Variants in ZCWPW2 observed in about 807,000 individuals in gnomAD.
ZCWPW2 encodes zinc finger CW-type PWWP domain protein 2.
In ZCWPW2, 45 loss-of-function variants were observed where a neutral mutation model predicts 46.6. The ratio of observed to expected loss-of-function variants is 0.96; its 90% CI spans 0.76 to 1.24. The LOEUF is 1.24. Ranked by LOEUF, ZCWPW2 falls within the 50% of genes most tolerant of loss-of-function variation. ZCWPW2 has a pLI of 0.00. For synonymous variants in ZCWPW2, 152 were observed against 137.1 expected, an observed-to-expected ratio of 1.11 and a Z score of -0.76; for missense variants, 429 against 403.9, an observed-to-expected ratio of 1.06 and a Z score of -0.53.
rs113156854 is a variant in ZCWPW2 at position 28,480,409 on chromosome 3, G to GT, written c.610+1488dup. ...TGTGTCCTTTGCCCACTTTTTAATG[G>GT]TTTTTTTTTTCTTGTGAACTTGTTT... is the stretch of plus-strand genomic sequence containing the variant. On this transcript the variant is annotated intron_variant, in intron 5 of 9. Transcript: ENST00000383768. Among the ~76,000 whole-genome samples the GT allele has an allele frequency of 8.7e-3, 1,298 of 148,640 alleles. 20 individuals are homozygous for GT. Among genetic ancestry groups the GT allele is most frequent in the African/African-American group, 0.028 (1,136 of 40,662 alleles).
At chr3:28,491,535 A>C (rs1332830092) in intron 5 of ZCWPW2, among the ~76,000 whole-genome samples, 1 of 152,056 alleles carries the variant, frequency 6.6e-6, no homozygotes, top group Non-Finnish European at 1.5e-5. Context: ...TCTTTCTCTG[A>C]GGCACTGTTG....
intron 3 of ZCWPW2, among the ~76,000 whole-genome samples, chr3:28,414,135 T>C (rs1224420827): frequency 6.6e-6 from 1 of 152,020 alleles, no homozygotes. Context: ...GATTTTGATA[T>C]TACTTATGGT....
chr3:28,420,684 A>C (rs1696736948), intron 3 of ZCWPW2, among the ~76,000 whole-genome samples: 1 of 151,568 alleles, frequency 6.6e-6, no homozygotes, highest in Non-Finnish European at 1.5e-5. Flanking sequence ...CTGCTGTGAT[A>C]AGCTTTCACT....
chr3:28,491,550 C>T (rs757776489), intron 5 of ZCWPW2, among the ~76,000 whole-genome samples: 10 of 151,970 alleles, frequency 6.6e-5, no homozygotes, highest in Non-Finnish European at 1.2e-4. Context: ...CTGTTGGCAG[C>T]TCAGTGGTCC....
chr3:28,381,025 GTATATATATATATATATATTTGGTGTA>G (rs1695073110), intron 1 of ZCWPW2, among the ~76,000 whole-genome samples: 1 of 7,014 alleles, frequency 1.4e-4, no homozygotes, highest in African/African-American at 8.5e-4. Context: ...TATATATTTG[GTATATATATATATATATATTTGGTGTA>G]TATATATATA....
intron 1 of ZCWPW2, among the ~76,000 whole-genome samples, chr3:28,359,753 C>T (rs991810806): frequency 2.0e-5 from 3 of 152,034 alleles, no homozygotes; most frequent in African/African-American, 4.8e-5. Flanking sequence ...TTATGAGATA[C>T]GTTCATGAAA....
At chr3:28,515,842 A>G (rs1009875125) in intron 8 of ZCWPW2, among the ~76,000 whole-genome samples, 3 of 152,070 alleles carry the variant, frequency 2.0e-5, no homozygotes, top group Admixed American at 6.6e-5. Flanking sequence ...ATATTAATGA[A>G]TCATTTTTGT....
At chr3:28,411,485 A>G (rs554806659) in intron 2 of ZCWPW2, among the ~76,000 whole-genome samples, 21 of 152,126 alleles carry the variant, frequency 1.4e-4, no homozygotes, top group Admixed American at 3.9e-4. Context: ...AAAATCTACT[A>G]TCATGGCTTC....
At chr3:28,454,291 T>A (rs1376063822) in intron 4 of ZCWPW2, among the ~76,000 whole-genome samples, 2 of 152,196 alleles carry the variant, frequency 1.3e-5, no homozygotes, top group Non-Finnish European at 2.9e-5. Flanking sequence ...GAAGCAGGAC[T>A]TATGTAGGGA....
chr3:28,367,041 CTTT>C (rs1220692716), intron 1 of ZCWPW2, among the ~76,000 whole-genome samples: 2 of 152,008 alleles, frequency 1.3e-5, no homozygotes, highest in Admixed American at 6.6e-5. Flanking sequence ...CTCTTTTCTT[CTTT>C]ATTAGTCTCG....
chr3:28,506,225 A>G (rs1214139912), intron 6 of ZCWPW2, among the ~76,000 whole-genome samples: 2 of 151,636 alleles, frequency 1.3e-5, no homozygotes, highest in African/African-American at 4.8e-5. Flanking sequence ...AAAATCAGTG[A>G]CACCTAGTGT....
rs116006597 is a variant in ZCWPW2 at position 28,451,138 on chromosome 3, A to G, written c.492+15869A>G. Among the ~76,000 whole-genome samples, 557 of 152,294 alleles carry G rather than the reference A, an allele frequency of 3.7e-3. 1 individual carries two copies. Among genetic ancestry groups the G allele is most frequent in the African/African-American group, 0.013 (533 of 41,572 alleles). ...CCTGGATCCTGAGGGACTGCATTCA[A>G]CATGTGCTGTGATGACTCCAATAAC... On this transcript the variant is annotated intron_variant, in intron 4 of 9. Transcript: ENST00000383768.
intron 3 of ZCWPW2, among the ~76,000 whole-genome samples, chr3:28,421,927 T>C (rs1201081502): frequency 6.6e-6 from 1 of 151,790 alleles, no homozygotes; most frequent in Non-Finnish European, 1.5e-5. Flanking sequence ...ATTTTATTGT[T>C]TTCTCAAAGT....
At chr3:28,453,032 A>G (rs546684963) in intron 4 of ZCWPW2, among the ~76,000 whole-genome samples, 2 of 152,318 alleles carry the variant, frequency 1.3e-5, no homozygotes, top group South Asian at 2.1e-4. Context: ...TAGCGTAAAC[A>G]GAAGTGTCAA....
intron 1 of ZCWPW2, among the ~76,000 whole-genome samples, chr3:28,354,421 G>A (rs1310434788): frequency 7.1e-6 from 1 of 141,124 alleles, no homozygotes; most frequent in Admixed American, 7.6e-5. Context: ...TTCTACCAGA[G>A]GTACAAAGAG....
chr3:28,386,985 C>A (rs1434412764), intron 1 of ZCWPW2, among the ~76,000 whole-genome samples: 1 of 152,208 alleles, frequency 6.6e-6, no homozygotes, highest in East Asian at 1.9e-4. Flanking sequence ...GCAGTAAAAA[C>A]TTCCTGTTCC....
intron 1 of ZCWPW2, among the ~76,000 whole-genome samples, chr3:28,382,022 T>C (rs949355724): frequency 6.6e-6 from 1 of 151,448 alleles, no homozygotes; most frequent in African/African-American, 2.4e-5. Flanking sequence ...ATTAGCTGGG[T>C]GTGTTGGTGC....
chr3:28,355,483 G>C (rs1241906074), intron 1 of ZCWPW2, among the ~76,000 whole-genome samples: 1 of 152,238 alleles, frequency 6.6e-6, no homozygotes, highest in Admixed American at 6.5e-5. Flanking sequence ...TTTCTTCACA[G>C]AATTGGAAAA....
intron 4 of ZCWPW2, among the ~76,000 whole-genome samples, chr3:28,463,028 CAT>C (rs762790735): frequency 1.2e-4 from 18 of 152,300 alleles, no homozygotes; most frequent in African/African-American, 4.3e-4. Context: ...TTTTCTCAGA[CAT>C]AGAGCATTAT....
Sources: gnomAD v4.1 joint callset for allele counts (sites outside exome capture counted in the v4.1 genomes callset) on GRCh38, gnomAD v4.1.1 for gene constraint, MANE v1.5 for transcripts, NCBI Gene and HGNC (gene_info 2026-07-23, HGNC 2026-07-21) for gene names.